CHD1L: variants seen among roughly 807,000 people sequenced by gnomAD.
CHD1L encodes the protein ATP-dependent chromatin remodeler CHD1L.
Under a neutral mutation model 115.9 loss-of-function variants are expected in CHD1L, and 118 were observed. The ratio of observed to expected loss-of-function variants is 1.02; its 90% CI spans 0.88 to 1.19. CHD1L has a LOEUF of 1.19. Among genes scored for constraint, CHD1L ranks in the 50% most tolerant of loss-of-function variants. CHD1L has a pLI of 0.00. For missense variants in CHD1L, 1,179 were observed against 1,065.3 expected (o/e 1.11, Z -1.49); for synonymous variants, 411 against 387.1 (o/e 1.06, Z -0.72).
chr1:147,203,968 TCGGAC>T, the CHD1L span: 1 of 1,232,402 alleles, frequency 8.1e-7, no homozygotes, highest in South Asian at 1.2e-5. Context: ...TACAGAGTCT[TCGGAC>T]ATCCCATTTT....
At chr1:147,213,456 A>T in the CHD1L span, 9 of 1,608,366 alleles carry the variant, frequency 5.6e-6, no homozygotes, top group African/African-American at 1.2e-4. Flanking sequence ...GCTTCTTCAC[A>T]CTGCACACAG....
At chr1:147,235,604 G>T in the CHD1L span, among the ~76,000 whole-genome samples, 26 of 152,250 alleles carry the variant, frequency 1.7e-4, no homozygotes, top group African/African-American at 6.0e-4. Flanking sequence ...ATGTGCAACA[G>T]AACCCAGAAT....
chr1:147,242,552 C>T, upstream of CHD1L: 1 of 793,770 alleles, frequency 1.3e-6, no homozygotes, highest in Non-Finnish European at 1.7e-6. Context: ...GTGACTGCAC[C>T]AGCTCCGCTC....
At chr1:147,218,640 G>C in the CHD1L span, among the ~76,000 whole-genome samples, 1 of 152,102 alleles carries the variant, frequency 6.6e-6, no homozygotes, top group Non-Finnish European at 1.5e-5. Flanking sequence ...ATTCCATATG[G>C]AAAACAAAAT....
chr1:147,278,328 A>C (rs145332313), intron 14 of CHD1L, among the ~76,000 whole-genome samples: 2 of 144,196 alleles, frequency 1.4e-5, no homozygotes, highest in Non-Finnish European at 3.0e-5. Flanking sequence ...GGGTTCAAGC[A>C]ATTCTCCTGC....
chr1:147,271,058 C>T, intron 11 of CHD1L, 53 bp downstream of exon 11: 1 of 1,380,310 alleles, frequency 7.2e-7, no homozygotes, highest in Non-Finnish European at 1.0e-6. Context: ...CTTAACAGTC[C>T]AGATAGGTCC....
intron 14 of CHD1L, among the ~76,000 whole-genome samples, chr1:147,278,271 C>T (rs1679379364): frequency 1.7e-5 from 2 of 120,184 alleles, no homozygotes; most frequent in Admixed American, 1.1e-4. Flanking sequence ...TGTTGCCAGG[C>T]TGGAGTGCAG....
the CHD1L span, chr1:147,208,450 T>TTTC: frequency 6.7e-6 from 1 of 149,846 alleles, no homozygotes; most frequent in Admixed American, 6.6e-5. Context: ...TTTTCTTTTT[T>TTTC]TTTTTTTCTT....
At chr1:147,264,309 C>G in intron 6 of CHD1L, 113 bp from the exon 7 acceptor site, 3 of 957,740 alleles carry the variant, frequency 3.1e-6, no homozygotes, top group Non-Finnish European at 4.6e-6. Context: ...CATGTCCCCT[C>G]AGTCATTTCA....
upstream of CHD1L, among the ~76,000 whole-genome samples, chr1:147,242,252 A>T (rs1356809927): frequency 3.3e-5 from 5 of 152,242 alleles, no homozygotes; most frequent in African/African-American, 1.2e-4. Context: ...AAATCAATTT[A>T]TCACTAGGTA....
chr1:147,181,002 C>T, the CHD1L span, among the ~76,000 whole-genome samples: 1 of 152,174 alleles, frequency 6.6e-6, no homozygotes, highest in African/African-American at 2.4e-5. Context: ...GACGAGTATT[C>T]AAGATCCCCA....
chr1:147,277,168 A>G (rs1382066156), intron 14 of CHD1L, among the ~76,000 whole-genome samples: 3 of 152,326 alleles, frequency 2.0e-5, no homozygotes, highest in East Asian at 3.9e-4. Context: ...TTTAGGCTTT[A>G]GTCAGAGTGT....
the CHD1L span, among the ~76,000 whole-genome samples, chr1:147,226,834 C>T: frequency 5.6e-5 from 4 of 71,676 alleles, no homozygotes; most frequent in African/African-American, 2.4e-4. Context: ...TTGGAACTGT[C>T]GAACTTTTTT....
the CHD1L span, among the ~76,000 whole-genome samples, chr1:147,218,050 T>C: frequency 1.3e-5 from 2 of 152,304 alleles, no homozygotes; most frequent in African/African-American, 4.8e-5. Flanking sequence ...TACATCAACA[T>C]TTATCTCAAA....
chr1:147,203,320 TTGGGCCCACCATCTG>T, the CHD1L span: 13 of 1,594,052 alleles, frequency 8.2e-6, no homozygotes, highest in African/African-American at 6.7e-5. Context: ...ACTTGGAGGC[TTGGGCCCACCATCTG>T]GTTTTGCCAT....
At position 147,252,680 on chromosome 1, in the gene CHD1L, A is replaced by G. The variant is rs587758592; in HGVS notation, c.185A>G (p.His62Arg). ...EGVNWLAQRF[H>R]CQNGCILGDE... ...GTAAACTGGCTCGCCCAGCGCTTCC[A>G]TTGTCAGAATGGCTGTATCCTGGGA... The change falls in exon 2 of 23, where the codon CAT becomes CGT. Residue 62 changes from histidine to arginine, a missense_variant. Physicochemically the swap from His to Arg is conservative, Grantham distance 29. Transcript: ENST00000369258. 20 of 1,613,982 alleles carry G rather than the reference A, an allele frequency of 1.2e-5. No individual in the cohort carries two copies. The South Asian group carries it at 1.6e-4, about 13-fold the overall frequency.
At chr1:147,228,860 GT>G in the CHD1L span, among the ~76,000 whole-genome samples, 1 of 152,026 alleles carries the variant, frequency 6.6e-6, no homozygotes, top group South Asian at 2.1e-4. Context: ...GGGGTTGTTT[GT>G]TTTTTTCTTG....
chr1:147,264,281 A>T lies in CHD1L; in HGVS notation c.577-141A>T, dbSNP rs1398335654. The T allele has an allele frequency of 5.5e-6, 4 of 722,502 alleles. No individual in the cohort carries two copies. The African/African-American group carries it at 7.2e-5, about 13-fold the overall frequency. 44.8% of individuals were successfully genotyped at this position (722,502 alleles called of 1,614,324 possible). A position where few individuals can be genotyped will look rare whatever the true frequency, so the allele number is the denominator to read the frequency against. ...ATCAAACAGCTAGTTTGCAGCTTCAACCTGAGCCATCTGATTTCATGTCCC... is the reference window on the plus strand; with the variant it reads ...ATCAAACAGCTAGTTTGCAGCTTCATCCTGAGCCATCTGATTTCATGTCCC... On this transcript the variant is annotated intron_variant, in intron 6 of 22. Coordinates refer to ENST00000369258, the MANE Select transcript of CHD1L (RefSeq NM_004284.6).
the CHD1L span, chr1:147,224,189 G>T: frequency 3.8e-6 from 1 of 261,040 alleles, no homozygotes; most frequent in African/African-American, 2.3e-5. Flanking sequence ...GAAGACAAAG[G>T]AGGTGTGGCT....
Sources: gnomAD v4.1 joint callset for allele counts (sites outside exome capture counted in the v4.1 genomes callset) on GRCh38, gnomAD v4.1.1 for gene constraint, MANE v1.5 for transcripts, NCBI Gene and HGNC (gene_info 2026-07-23, HGNC 2026-07-21) for gene names.